The following PXDN variants were observed in gnomAD, a reference collection of about 807,000 sequenced individuals.
PXDN encodes peroxidasin homolog.
In PXDN, 77 loss-of-function variants were observed where a neutral mutation model predicts 140.3. The observed-to-expected ratio is 0.55, with a 90% CI of 0.46 to 0.66. PXDN has a LOEUF of 0.66. PXDN is among the 30% of genes least tolerant of loss of function. The pLI, the probability that PXDN is intolerant of heterozygous loss-of-function variation, is 0.00. For missense variants in PXDN, 1,838 were observed against 2,039.5 expected, an observed-to-expected ratio of 0.90 and a Z score of 1.90; for synonymous variants, 911 against 857.4, an observed-to-expected ratio of 1.06 and a Z score of -1.09.
chr2:1,701,881 C>T (rs369551874), intron 1 of PXDN, among the ~76,000 whole-genome samples: 1 of 152,090 alleles, frequency 6.6e-6, no homozygotes, highest in Non-Finnish European at 1.5e-5. Flanking sequence ...TGAGAGGACA[C>T]GAGGAGAAGG....
intron 6 of PXDN, among the ~76,000 whole-genome samples, chr2:1,682,632 T>C (rs796583544): frequency 2.0e-5 from 3 of 152,326 alleles, no homozygotes; most frequent in African/African-American, 2.4e-5. Context: ...AAAAAGTATA[T>C]TTGGAAGCCT....
chr2:1,708,094 C>A (rs1312815430), intron 1 of PXDN, among the ~76,000 whole-genome samples: 2 of 152,186 alleles, frequency 1.3e-5, no homozygotes, highest in African/African-American at 4.8e-5. Flanking sequence ...TATCCTCCCA[C>A]CTCCCCGCCA....
Position 1,648,947 on chromosome 2 carries a change from C to G in PXDN, c.2833G>C (p.Gly945Arg). 6.2e-7 allele frequency: 1 copy of G among 1,603,630 alleles called. No individual in the cohort carries two copies. Among genetic ancestry groups the G allele is most frequent in the South Asian group, 1.1e-5 (1 of 90,638 alleles). ...GTGGCGAAGGGGAGCAGCGGCTTCC[C>G]GGACCGCTGCACGATGCCCTGCCGC... ...LLRQGIVQRS[G>R]KPLLPFATGP... Residue 945 changes from glycine to arginine, a missense_variant, in exon 17 of 23, where the codon GGG (glycine) becomes CGG (arginine). This residue lies in a region of PXDN where 850 missense variants were observed against 894.1 expected (regional missense o/e 0.95). Transcript: ENST00000252804. The surrounding 1 kb of genome is among the most constrained non-coding windows in gnomAD (Gnocchi z 8.9).
At chr2:1,702,985 TG>T (rs376865692) in intron 1 of PXDN, among the ~76,000 whole-genome samples, 46,386 of 111,050 alleles carry the variant, frequency 0.42, 10,344 homozygotes, top group Non-Finnish European at 0.46. Context: ...CAACTCCAGG[TG>T]AAGGGGGGGA....
At position 1,660,034 on chromosome 2, in the gene PXDN, G is replaced by T. The variant is rs891646693; in HGVS notation, c.1837+847C>A. Among the ~76,000 whole-genome samples, 1 of 152,196 alleles carries T rather than the reference G, an allele frequency of 6.6e-6. No homozygotes were observed. The highest frequency in any genetic ancestry group is 1.5e-5 in the Non-Finnish European group (1 of 68,042). On this transcript the variant is annotated intron_variant, in intron 14 of 22. Coordinates refer to ENST00000252804, the MANE Select transcript of PXDN (RefSeq NM_012293.3). This position sits in a 1 kb window ranked among gnomAD's most constrained non-coding sequence, Gnocchi z 4.6. Reference sequence around the variant, plus strand: ...CCAGAGGGTCCTTTACCCCGTGAAGGGGGGTTTGTGCGCGTTCTCAGAGTG... The same window carrying T: ...CCAGAGGGTCCTTTACCCCGTGAAGTGGGGTTTGTGCGCGTTCTCAGAGTG...
chr2:1,744,049 G>C (rs1685626609), intron 1 of PXDN, among the ~76,000 whole-genome samples: 1 of 152,176 alleles, frequency 6.6e-6, no homozygotes, highest in South Asian at 2.1e-4. Context: ...GTCTCCCGCA[G>C]GGCGAACAAA....
chr2:1,739,047 C>T (rs1685480348), intron 1 of PXDN, among the ~76,000 whole-genome samples: 1 of 152,178 alleles, frequency 6.6e-6, no homozygotes, highest in Admixed American at 6.5e-5. Flanking sequence ...AGCTTCTGGC[C>T]AGTGTGTTCC....
In PXDN at chr2:1,637,905, G is replaced by A. The variant is rs12714334; in HGVS notation, c.4206+941C>T. Among the ~76,000 whole-genome samples the A allele has an allele frequency of 2.7e-3, 17 of 6,258 alleles. 2 individuals are homozygous for A. The highest frequency in any genetic ancestry group is 0.062 in the East Asian group (2 of 32). 4.1% of individuals were successfully genotyped at this position (6,258 alleles called of 152,430 possible). The stretch of plus-strand genomic sequence containing the variant: ...TGGTCTCTAGGTTGCGGAGGCAGGA[G>A]GACCTGCCACATGTCGTCCACTCTG... On this transcript the variant is annotated intron_variant, in intron 21 of 22. Transcript: ENST00000252804.
chr2:1,710,716 ACTCCACCAGCACC>A (rs1478220085), intron 1 of PXDN, among the ~76,000 whole-genome samples: 13 of 71,306 alleles, frequency 1.8e-4, no homozygotes, highest in Non-Finnish European at 3.4e-4. Context: ...ACCAGCACCC[ACTCCACCAGCACC>A]CTCTCCACCA....
intron 9 of PXDN, among the ~76,000 whole-genome samples, chr2:1,669,474 A>T (rs987719643): frequency 3.3e-5 from 5 of 152,196 alleles, no homozygotes; most frequent in Admixed American, 1.3e-4. Context: ...AAAATTTAAA[A>T]ATATATATAT....
intron 9 of PXDN, 99 bp from the exon 10 acceptor site, chr2:1,666,585 C>A: frequency 1.5e-6 from 2 of 1,361,022 alleles, no homozygotes; most frequent in Non-Finnish European, 2.0e-6. Context: ...TATTTACCAC[C>A]GAAATAGGCA....
chr2:1,683,877 A>G, intron 5 of PXDN, 150 bp from the exon 6 acceptor site: 1 of 918,676 alleles, frequency 1.1e-6, no homozygotes, highest in East Asian at 2.7e-5. Flanking sequence ...AACAAAAGAA[A>G]TGGTTTTTTT....
In PXDN at chr2:1,637,881, G is replaced by A; in HGVS notation, c.4206+965C>T. Among the ~76,000 whole-genome samples the A allele has an allele frequency of 1.8e-4, 2 of 11,322 alleles. 1 individual carries two copies. The highest frequency in any genetic ancestry group is 7.1e-4 in the Non-Finnish European group (2 of 2,836). 7.4% of individuals were successfully genotyped at this position (11,322 alleles called of 152,430 possible). ...GACAGCTGCCTGGGGACTTGCACCT[G>A]GTCTCTAGGTTGCGGAGGCAGGAGG... is the stretch of plus-strand genomic sequence containing the variant. On this transcript the variant is annotated intron_variant, in intron 21 of 22. Coordinates refer to ENST00000252804, the MANE Select transcript of PXDN (RefSeq NM_012293.3).
At chr2:1,653,425 CAG>C in intron 16 of PXDN, 1 of 782,442 alleles carries the variant, frequency 1.3e-6, no homozygotes, top group Non-Finnish European at 2.1e-6. Context: ...TCACGTCCCC[CAG>C]AGATTCCTAT....
chr2:1,666,773 G>A (rs1030629807), intron 9 of PXDN, among the ~76,000 whole-genome samples: 50 of 152,278 alleles, frequency 3.3e-4, no homozygotes, highest in Non-Finnish European at 2.4e-4. Context: ...GAACTCCATG[G>A]AGGTTTCTTA....
intron 1 of PXDN, among the ~76,000 whole-genome samples, chr2:1,727,002 G>A (rs751503151): frequency 2.7e-4 from 41 of 152,216 alleles, no homozygotes; most frequent in Admixed American, 1.2e-3. Context: ...GGCAGAAAGT[G>A]TTGTCTCAAA....
At chr2:1,663,520 A>T in intron 12 of PXDN, 85 bp downstream of exon 12, 2 of 1,534,480 alleles carry the variant, frequency 1.3e-6, no homozygotes, top group Non-Finnish European at 1.8e-6. Context: ...AACGAAGAGT[A>T]ACACTAATGT....
intron 4 of PXDN, 74 bp from the exon 5 acceptor site, chr2:1,684,225 T>C (rs964332777): frequency 6.1e-6 from 8 of 1,304,440 alleles, no homozygotes; most frequent in Non-Finnish European, 8.6e-6. Flanking sequence ...CCCAAATTTT[T>C]TTCCTAGTCA....
intron 1 of PXDN, among the ~76,000 whole-genome samples, chr2:1,727,797 T>C (rs183484542): frequency 6.6e-6 from 1 of 152,312 alleles, no homozygotes; most frequent in African/African-American, 2.4e-5. Context: ...GACTTCCTAA[T>C]AGTATAATTA....
Sources: allele counts gnomAD v4.1 joint callset (sites outside exome capture counted in the v4.1 genomes callset), GRCh38; gene constraint gnomAD v4.1.1; regional missense constraint gnomAD v4.1.1; non-coding constraint Gnocchi (gnomAD v3.1); transcripts MANE v1.5; gene names NCBI Gene and HGNC (gene_info 2026-07-23, HGNC 2026-07-21).